Variants in RGL2 observed in about 807,000 individuals in gnomAD.
RGL2 encodes the protein ral guanine nucleotide dissociation stimulator-like 2.
Under a neutral mutation model 84.6 loss-of-function variants are expected in RGL2, and 40 were observed. The ratio of observed to expected loss-of-function variants is 0.47; its 90% CI spans 0.37 to 0.62. The LOEUF (loss-of-function observed/expected upper bound fraction) is 0.62, where lower values mean the gene tolerates loss of function less well. Ranked by LOEUF, RGL2 falls within the 20% of genes least tolerant of loss-of-function variation. The pLI is 0.00. For missense variants in RGL2, 865 were observed against 1,019.7 expected, an observed-to-expected ratio of 0.85 and a Z score of 2.07; for synonymous variants, 369 against 417.3, an observed-to-expected ratio of 0.88 and a Z score of 1.41.
In RGL2 at chr6:33,297,987, C is replaced by T. The variant is rs1581724155; in HGVS notation, c.156+468G>A. Reference sequence around the variant, plus strand: ...TGGCTTCCCGGCCTCTACCCAGGACCGGGGCGGGGCGGGGGGGCGGGGGGA... The same window carrying T: ...TGGCTTCCCGGCCTCTACCCAGGACTGGGGCGGGGCGGGGGGGCGGGGGGA... On this transcript the variant is annotated intron_variant, in intron 2 of 17. Transcript: ENST00000497454. This position sits in a 1 kb window ranked among gnomAD's most constrained non-coding sequence, Gnocchi z 4.0. The T allele has an allele frequency of 1.3e-4, 1 of 7,508 alleles. No homozygotes were observed. Among genetic ancestry groups the T allele is most frequent in the Non-Finnish European group, 2.4e-4 (1 of 4,162 alleles). The allele number at this position is 7,508 out of a possible 1,614,324, so 0.5% of individuals were successfully genotyped here.
At position 33,294,459 on chromosome 6, in the gene RGL2, G is replaced by A. The variant is rs1431060516; in HGVS notation, c.1353+229C>T. 6.6e-6 allele frequency among the ~76,000 whole-genome samples: 1 copy of A among 152,140 alleles called. No homozygotes were observed. Among genetic ancestry groups the A allele is most frequent in the Non-Finnish European group, 1.5e-5 (1 of 68,034 alleles). On this transcript the variant is annotated intron_variant, in intron 11 of 17. Coordinates refer to ENST00000497454, the MANE Select transcript of RGL2 (RefSeq NM_004761.5). The surrounding 1 kb of genome is among the most constrained non-coding windows in gnomAD (Gnocchi z 5.0). ...TGCTTACGTTTCAGGCACGTTCTAA[G>A]CACTTGACAAATACAAATTCATTTA...
chr6:33,297,363 G>A lies in RGL2; in HGVS notation c.157-248C>T. On this transcript the variant is annotated intron_variant, in intron 2 of 17. Transcript: ENST00000497454. This position sits in a 1 kb window ranked among gnomAD's most constrained non-coding sequence, Gnocchi z 4.0. The stretch of plus-strand genomic sequence containing the variant: ...AAGGGGCTGCAGTGGAGGCGTGGAT[G>A]GAGTACAGGAATTCTGATCCTGGAG... 6.5e-6 allele frequency: 3 copies of A among 463,852 alleles called. No individual in the cohort carries two copies. The highest frequency in any genetic ancestry group is 1.1e-5 in the Non-Finnish European group (3 of 262,750). 28.7% of individuals were successfully genotyped at this position (463,852 alleles called of 1,614,324 possible).
Position 33,295,889 on chromosome 6 carries a change from G to A in RGL2, c.769-130C>T, listed in dbSNP as rs973237932. The stretch of plus-strand genomic sequence containing the variant: ...GGGTTTGAAGGGTAACGACCAAAGG[G>A]AAAAGGGGAGAATCAAAATGGTAGG... On this transcript the variant is annotated intron_variant, in intron 6 of 17. Coordinates refer to ENST00000497454, the MANE Select transcript of RGL2 (RefSeq NM_004761.5). The surrounding 1 kb of genome is among the most constrained non-coding windows in gnomAD (Gnocchi z 7.2). 5.4e-5 allele frequency: 78 copies of A among 1,436,944 alleles called. No individual in the cohort carries two copies. Among genetic ancestry groups the A allele is most frequent in the Non-Finnish European group, 7.2e-5 (75 of 1,043,790 alleles). The allele number at this position is 1,436,944 out of a possible 1,614,324, so 89.0% of individuals were successfully genotyped here.
At position 33,295,741 on chromosome 6, in the gene RGL2, T is replaced by A; in HGVS notation, c.787A>T (p.Ile263Phe). 1 of 1,613,384 alleles carries A rather than the reference T, an allele frequency of 6.2e-7. No homozygotes were observed. Among genetic ancestry groups the A allele is most frequent in the Non-Finnish European group, 8.5e-7 (1 of 1,179,858 alleles). ...LLDAELFLNL[I>F]PSQCLGGLWG... ...AGGCCTCCCAGGCACTGAGAGGGGA[T>A]CAAATTGAGAAAAAGTTCCTGCAGG... Residue 263 changes from isoleucine to phenylalanine, a missense_variant, in exon 7 of 18, where the codon ATC (isoleucine) becomes TTC (phenylalanine). This residue lies in a region of RGL2 where 455 missense variants were observed against 507.8 expected (regional missense o/e 0.90). Transcript: ENST00000497454. The surrounding 1 kb of genome is among the most constrained non-coding windows in gnomAD (Gnocchi z 7.2).
At position 33,294,903 on chromosome 6, in the gene RGL2, C is replaced by G; in HGVS notation, c.1278+74G>C. On this transcript the variant is annotated intron_variant, in intron 10 of 17. Transcript: ENST00000497454. This position sits in a 1 kb window ranked among gnomAD's most constrained non-coding sequence, Gnocchi z 5.0. ...GTGCCTCCCTTACCCATCCTTCAGG[C>G]TGCTCCCCCAAAACATACTCCTCAC... 6.6e-7 allele frequency: 1 copy of G among 1,514,800 alleles called. No individual in the cohort carries two copies. Among genetic ancestry groups the G allele is most frequent in the Non-Finnish European group, 9.0e-7 (1 of 1,116,294 alleles). The allele number at this position is 1,514,800 out of a possible 1,614,324, so 93.8% of individuals were successfully genotyped here.
chr6:33,299,490 G>A (rs944944742), upstream of RGL2, among the ~76,000 whole-genome samples: 1 of 152,084 alleles, frequency 6.6e-6, no homozygotes, highest in African/African-American at 2.4e-5. This position sits in a 1 kb window ranked among gnomAD's most constrained non-coding sequence, Gnocchi z 5.0. Context: ...GAGGCTTCCG[G>A]CGCCGAGACC....
Position 33,297,287 on chromosome 6 carries a change from C to G in RGL2, c.157-172G>C. 1 of 551,396 alleles carries G rather than the reference C, an allele frequency of 1.8e-6. No homozygotes were observed. The highest frequency in any genetic ancestry group is 3.1e-6 in the Non-Finnish European group (1 of 319,934). The allele number at this position is 551,396 out of a possible 1,614,324, so 34.2% of individuals were successfully genotyped here. A position where few individuals can be genotyped will look rare whatever the true frequency, so the allele number is the denominator to read the frequency against. On this transcript the variant is annotated intron_variant, in intron 2 of 17. Coordinates refer to ENST00000497454, the MANE Select transcript of RGL2 (RefSeq NM_004761.5). This position sits in a 1 kb window ranked among gnomAD's most constrained non-coding sequence, Gnocchi z 4.0. The stretch of plus-strand genomic sequence containing the variant: ...AGCTGGTGACCCCAGGTCTCCCCCA[C>G]TGGGGCCCAGACAGCCCCACCCCAG...
At position 33,291,824 on chromosome 6, in the gene RGL2, A is replaced by C. The variant is rs182519922; in HGVS notation, c.*278T>G. The stretch of plus-strand genomic sequence containing the variant: ...GCCCTTGCATGTTAGGATATGGCCA[A>C]GAATCAGAAACTGATGCGTTTTTCC... On this transcript the variant is annotated 3_prime_UTR_variant, in exon 18 of 18. Transcript: ENST00000497454. 521 of 580,350 alleles carry C rather than the reference A, an allele frequency of 9.0e-4. 1 individual carries two copies. The Middle Eastern group carries it at 0.011, about 12-fold the overall frequency. 36.0% of individuals were successfully genotyped at this position (580,350 alleles called of 1,614,324 possible).
At chr6:33,300,131 G>A (rs147996331), upstream of RGL2, 1,503 of 154,082 alleles carry the variant, frequency 9.8e-3, 20 homozygotes, top group Non-Finnish European at 0.011. Context: ...TGGAGGAAAG[G>A]AATAGCCCTG....
chr6:33,297,357 G>T lies in RGL2; in HGVS notation c.157-242C>A. The T allele has an allele frequency of 2.1e-6, 1 of 479,464 alleles. No individual in the cohort carries two copies. The highest frequency in any genetic ancestry group is 3.1e-5 in the East Asian group (1 of 31,990). 29.7% of individuals were successfully genotyped at this position (479,464 alleles called of 1,614,324 possible). On this transcript the variant is annotated intron_variant, in intron 2 of 17. Transcript: ENST00000497454. The surrounding 1 kb of genome is among the most constrained non-coding windows in gnomAD (Gnocchi z 4.0). ...GAGTCGAAGGGGCTGCAGTGGAGGC[G>T]TGGATGGAGTACAGGAATTCTGATC...
chr6:33,298,352 A>G lies in RGL2; in HGVS notation c.156+103T>C. 1 of 640,868 alleles carries G rather than the reference A, an allele frequency of 1.6e-6. No homozygotes were observed. The highest frequency in any genetic ancestry group is 2.6e-6 in the Non-Finnish European group (1 of 380,764). The allele number at this position is 640,868 out of a possible 1,614,324, so 39.7% of individuals were successfully genotyped here. Reference sequence around the variant, plus strand: ...GGCCGACACCCAGGGAGGCGCGAGAATAACTGAGGCAAGGAGGAGGAGATG... The same window carrying G: ...GGCCGACACCCAGGGAGGCGCGAGAGTAACTGAGGCAAGGAGGAGGAGATG... On this transcript the variant is annotated intron_variant, in intron 2 of 17. Transcript: ENST00000497454. This position sits in a 1 kb window ranked among gnomAD's most constrained non-coding sequence, Gnocchi z 4.8.
rs1202566358 is a variant in RGL2, at chr6:33,296,196, A to G, written c.600T>C (p.Val200=). The G allele has an allele frequency of 3.7e-6, 6 of 1,613,830 alleles. No individual in the cohort carries two copies. The South Asian group carries it at 4.4e-5, about 12-fold the overall frequency. ...LQTGYAAGKG[V]GGGSADLIRN... ...GGATGAGGTCAGCGCTGCCCCCCCC[A>G]ACACCCTTCCCTGCTGCATACCCTG... The change falls in exon 6 of 18, where the codon GTT becomes GTC. Residue 200 remains valine (V), a synonymous_variant. Coordinates refer to ENST00000497454, the MANE Select transcript of RGL2 (RefSeq NM_004761.5). This position sits in a 1 kb window ranked among gnomAD's most constrained non-coding sequence, Gnocchi z 5.0.
rs1229386868 is a variant in RGL2 at position 33,296,256 on chromosome 6, A to T, written c.540T>A (p.Gly180=). 109 of 1,613,790 alleles carry T rather than the reference A, an allele frequency of 6.8e-5. No individual in the cohort carries two copies. Among genetic ancestry groups the T allele is most frequent in the Non-Finnish European group, 8.8e-5 (104 of 1,179,880 alleles). ...AGAAGCTCTCAAGCCGGTCAAGCTGACCCTTGGCCTCAGAGCCAAAATCCT... is the reference window on the plus strand; with the variant it reads ...AGAAGCTCTCAAGCCGGTCAAGCTGTCCCTTGGCCTCAGAGCCAAAATCCT... ...HPEDFGSEAK[G]QLDRLESFLL... is the part of the protein sequence containing the mutation. The change falls in exon 6 of 18, where the codon GGT becomes GGA. Residue 180 remains glycine, a synonymous_variant. Coordinates refer to ENST00000497454, the MANE Select transcript of RGL2 (RefSeq NM_004761.5). This position sits in a 1 kb window ranked among gnomAD's most constrained non-coding sequence, Gnocchi z 5.0.
At chr6:33,292,362 C>T (rs202208374) in intron 17 of RGL2, 49 bp from the exon 18 acceptor site, 15 of 1,609,442 alleles carry the variant, frequency 9.3e-6, no homozygotes, top group South Asian at 5.5e-5. Context: ...TTGTTCCCCC[C>T]ACAGCCGCCC....
At chr6:33,299,962 C>T (rs892427748), upstream of RGL2, 1 of 153,646 alleles carries the variant, frequency 6.5e-6, no homozygotes, top group Non-Finnish European at 1.5e-5. The surrounding 1 kb of genome is among the most constrained non-coding windows in gnomAD (Gnocchi z 5.0). Flanking sequence ...CACACGATCA[C>T]TTAAATACAA....
chr6:33,297,142 G>GACAGTTCCAC lies in RGL2; in HGVS notation c.157-37_157-28dup, dbSNP rs1430383071. ...TGGAGGAGCAAGGAAGGGGAAGTCA[G>GACAGTTCCAC]ACAGTTCCACACCACCCCCCATTGC... is the stretch of plus-strand genomic sequence containing the variant. On this transcript the variant is annotated intron_variant, in intron 2 of 17. Transcript: ENST00000497454. The surrounding 1 kb of genome is among the most constrained non-coding windows in gnomAD (Gnocchi z 4.0). 1.3e-6 allele frequency: 2 copies of GACAGTTCCAC among 1,520,314 alleles called. No homozygotes were observed. The highest frequency in any genetic ancestry group is 1.8e-6 in the Non-Finnish European group (2 of 1,132,260). The allele number at this position is 1,520,314 out of a possible 1,614,324, so 94.2% of individuals were successfully genotyped here. A position where few individuals can be genotyped will look rare whatever the true frequency, so the allele number is the denominator to read the frequency against.
In RGL2 at chr6:33,293,479, G is replaced by C. The variant is rs376020720; in HGVS notation, c.1650C>G (p.Asp550Glu). Residue 550 changes from aspartate to glutamate, a missense_variant, in exon 15 of 18, where the codon GAC becomes GAG. Asp to Glu is a conservative substitution (Grantham distance 45). Coordinates refer to ENST00000497454, the MANE Select transcript of RGL2 (RefSeq NM_004761.5). The surrounding 1 kb of genome is among the most constrained non-coding windows in gnomAD (Gnocchi z 7.0). ...CCTCATCTCCCCCAGTACTGGGCCG[G>C]TCACAGGACACAAGCGGGGTAGGGA... ...VGVPTPLVSC[D>E]RPSTGGDEAP... 8.7e-6 allele frequency: 14 copies of C among 1,614,030 alleles called. No individual in the cohort carries two copies. The highest frequency in any genetic ancestry group is 1.3e-5 in the African/African-American group (1 of 74,930).
Position 33,296,881 on chromosome 6 carries a change from T to C in RGL2, c.241-105A>G, listed in dbSNP as rs748200767. 2 of 1,539,394 alleles carry C rather than the reference T, an allele frequency of 1.3e-6. No homozygotes were observed. Among genetic ancestry groups the C allele is most frequent in the African/African-American group, 1.4e-5 (1 of 73,296 alleles). On this transcript the variant is annotated intron_variant, in intron 3 of 17. Coordinates refer to ENST00000497454, the MANE Select transcript of RGL2 (RefSeq NM_004761.5). The surrounding 1 kb of genome is among the most constrained non-coding windows in gnomAD (Gnocchi z 5.0). Reference sequence around the variant, plus strand: ...AGATGTTCCAGACTCATTTTTCTGATATTCAGAGAGGGCAAGAGTCTTGGC... The same window carrying C: ...AGATGTTCCAGACTCATTTTTCTGACATTCAGAGAGGGCAAGAGTCTTGGC...
rs1767893333 is a variant in RGL2 at position 33,295,832 on chromosome 6, A to C, written c.769-73T>G. On this transcript the variant is annotated intron_variant, in intron 6 of 17. Coordinates refer to ENST00000497454, the MANE Select transcript of RGL2 (RefSeq NM_004761.5). This position sits in a 1 kb window ranked among gnomAD's most constrained non-coding sequence, Gnocchi z 7.2. ...GCCTTCCAATATCAGGGATCTGAGG[A>C]TCTCAGGTGGCCAAGGAACCAGAGG... The C allele has an allele frequency of 7.1e-6, 11 of 1,543,374 alleles. No homozygotes were observed. Among genetic ancestry groups the C allele is most frequent in the Non-Finnish European group, 9.7e-6 (11 of 1,131,292 alleles).
Sources: allele counts gnomAD v4.1 joint callset (sites outside exome capture counted in the v4.1 genomes callset), GRCh38; gene constraint gnomAD v4.1.1; regional missense constraint gnomAD v4.1.1; non-coding constraint Gnocchi (gnomAD v3.1); transcripts MANE v1.5; gene names NCBI Gene and HGNC (gene_info 2026-07-23, HGNC 2026-07-21).